UNC13B: variants seen among roughly 807,000 people sequenced by gnomAD.
UNC13B encodes unc-13 homolog B.
Under a neutral mutation model 211.0 loss-of-function variants are expected in UNC13B, and 144 were observed. The ratio of observed to expected loss-of-function variants is 0.68; its 90% CI spans 0.60 to 0.78. The LOEUF is 0.78. Among genes scored for constraint, UNC13B ranks in the 30% least tolerant of loss-of-function variants. The probability of loss-of-function intolerance (pLI) is 0.00; values close to 1 mark genes in which losing one functional copy is unlikely to be tolerated. For missense variants in UNC13B, 1,777 were observed against 2,002.0 expected (o/e 0.89, Z 2.14); for synonymous variants, 709 against 725.8 (o/e 0.98, Z 0.37).
In UNC13B at chr9:35,398,889, G is replaced by C. The variant is rs371882456; in HGVS notation, c.11929G>C (p.Val3977Leu). 1 of 1,613,808 alleles carries C rather than the reference G, an allele frequency of 6.2e-7. No homozygotes were observed. Among genetic ancestry groups the C allele is most frequent in the African/African-American group, 1.3e-5 (1 of 75,048 alleles). Residue 3977 changes from valine to leucine, a missense_variant, in exon 33 of 40, where the codon GTA (valine) becomes CTA (leucine). By Grantham distance (32) the Val-to-Leu change is conservative. Coordinates refer to ENST00000635942, the MANE Select transcript of UNC13B (RefSeq NM_001371189.2). ...LSMVFGNSFQ[V>L]RIDECVRQMA... The stretch of plus-strand genomic sequence containing the variant: ...CTGCGGGCACATGTGTAGTTTCCAG[G>C]TACGGATTGATGAGTGTGTTCGACA...
intron 1 of UNC13B, among the ~76,000 whole-genome samples, chr9:35,208,300 C>A (rs1250947293): frequency 6.6e-6 from 1 of 152,132 alleles, no homozygotes; most frequent in Non-Finnish European, 1.5e-5. Context: ...TGAAATAATA[C>A]CCTTCTTGGA....
At chr9:35,332,779 T>C (rs1831446150) in intron 11 of UNC13B, among the ~76,000 whole-genome samples, 1 of 152,226 alleles carries the variant, frequency 6.6e-6, no homozygotes, top group Non-Finnish European at 1.5e-5. Flanking sequence ...CCAGGCCAAG[T>C]TAGAGTCTCA....
rs763840346 is a variant in UNC13B at position 35,310,396 on chromosome 9, A to G, written c.9009-71A>G. ...TACTAATGTAGTCATTATTTCCTGG[A>G]TGTCTCCTTTCTTTTGTCCTGGTCC... On this transcript the variant is annotated intron_variant, in intron 9 of 39. Coordinates refer to ENST00000635942, the MANE Select transcript of UNC13B (RefSeq NM_001371189.2). 7.4e-6 allele frequency: 11 copies of G among 1,485,544 alleles called. No homozygotes were observed. In the Admixed American group the frequency reaches 2.0e-4, roughly 27 times the overall value. The allele number at this position is 1,485,544 out of a possible 1,614,324, so 92.0% of individuals were successfully genotyped here.
chr9:35,260,038 CAAAAAAAAAAAA>C (rs61273217), intron 7 of UNC13B, among the ~76,000 whole-genome samples: 7 of 64,802 alleles, frequency 1.1e-4, no homozygotes, highest in Admixed American at 2.6e-4. Flanking sequence ...CTCATTTCTA[CAAAAAAAAAAAA>C]AAAAAAAAAA....
At chr9:35,335,134 G>A (rs1831581296) in intron 11 of UNC13B, among the ~76,000 whole-genome samples, 1 of 152,218 alleles carries the variant, frequency 6.6e-6, no homozygotes, top group South Asian at 2.1e-4. Context: ...GAAAATAGTT[G>A]CCACAGGACT....
At chr9:35,298,661 G>T (rs1829517962) in intron 8 of UNC13B, among the ~76,000 whole-genome samples, 1 of 152,106 alleles carries the variant, frequency 6.6e-6, no homozygotes. Flanking sequence ...CTTTGATCTT[G>T]CTTCTGTTTC....
At chr9:35,338,485 C>A (rs1831794358) in intron 11 of UNC13B, among the ~76,000 whole-genome samples, 1 of 152,288 alleles carries the variant, frequency 6.6e-6, no homozygotes, top group South Asian at 2.1e-4. Context: ...GGATTACCTC[C>A]TGCTGCCCGT....
chr9:35,191,842 G>A (rs969810106), intron 1 of UNC13B, among the ~76,000 whole-genome samples: 2 of 152,094 alleles, frequency 1.3e-5, no homozygotes, highest in African/African-American at 2.4e-5. Context: ...GGACTGGCTT[G>A]AACAGCAGGC....
intron 11 of UNC13B, 141 bp from the exon 12 acceptor site, chr9:35,366,805 GT>G: frequency 1.4e-6 from 1 of 690,594 alleles, no homozygotes; most frequent in Admixed American, 2.2e-5. Flanking sequence ...CAGGACATTG[GT>G]TTAGATGTCA....
intron 1 of UNC13B, among the ~76,000 whole-genome samples, chr9:35,209,672 C>T (rs1823859176): frequency 6.6e-6 from 1 of 152,224 alleles, no homozygotes. Context: ...GCCACACGCC[C>T]AGCCAAATGA....
At chr9:35,269,928 G>A (rs375731925) in intron 7 of UNC13B, among the ~76,000 whole-genome samples, 3 of 148,132 alleles carry the variant, frequency 2.0e-5, no homozygotes, top group East Asian at 3.9e-4. Flanking sequence ...CCAGTGTTTT[G>A]TAATCCTGTT....
chr9:35,230,439 C>T (rs917630608), intron 2 of UNC13B, among the ~76,000 whole-genome samples: 1 of 141,120 alleles, frequency 7.1e-6, no homozygotes. Context: ...CCACTGCACC[C>T]TGGTCTGGGT....
chr9:35,313,455 T>G (rs939178736), intron 10 of UNC13B, among the ~76,000 whole-genome samples: 1 of 151,830 alleles, frequency 6.6e-6, no homozygotes, highest in Non-Finnish European at 1.5e-5. Context: ...CGAAACATCG[T>G]CTCTACAAAA....
In UNC13B at chr9:35,259,014, C is replaced by T. The variant is rs1827099521; in HGVS notation, c.490C>T (p.Gln164Ter). The stretch of plus-strand genomic sequence containing the variant: ...CTAGTATTCTAGTCAAGAAGAAAGC[C>T]AGAGGAAGCCATTGCCCACTGCTGC... Reference protein sequence around the residue: ...DNEYSSQEESQRKPLPTAAAQ... With the variant: ...DNEYSSQEES The change falls in exon 7 of 40, where the codon CAG becomes TAG. Residue 164 changes from glutamine (Q) to a stop codon, truncating the protein, a stop_gained. Coordinates refer to ENST00000635942, the MANE Select transcript of UNC13B (RefSeq NM_001371189.2). LOFTEE classifies it high-confidence loss of function. The T allele has an allele frequency of 6.2e-7, 1 of 1,613,622 alleles. No individual in the cohort carries two copies. Among genetic ancestry groups the T allele is most frequent in the Non-Finnish European group, 8.5e-7 (1 of 1,179,892 alleles).
intron 24 of UNC13B, among the ~76,000 whole-genome samples, chr9:35,386,532 A>G (rs552791087): frequency 6.6e-6 from 1 of 152,230 alleles, no homozygotes; most frequent in African/African-American, 2.4e-5. Flanking sequence ...TGTTGAAGAA[A>G]GTAAACCTAA....
chr9:35,365,765 C>T (rs1833732080), intron 11 of UNC13B, among the ~76,000 whole-genome samples: 1 of 152,184 alleles, frequency 6.6e-6, no homozygotes, highest in Non-Finnish European at 1.5e-5. Flanking sequence ...CCAATATCAT[C>T]CTACCTATAG....
Position 35,400,279 on chromosome 9 carries a change from G to A in UNC13B, c.12337-17G>A. ...GTAAGGGGATGAAGCAGTCACGGGT[G>A]CTCTTTTATCTTGCAGCAATACTTC... On this transcript the variant is annotated splice_polypyrimidine_tract_variant and intron_variant, in intron 36 of 39. Transcript: ENST00000635942. 2 of 1,612,744 alleles carry A rather than the reference G, an allele frequency of 1.2e-6. No homozygotes were observed. The highest frequency in any genetic ancestry group is 1.7e-6 in the Non-Finnish European group (2 of 1,179,260).
intron 1 of UNC13B, among the ~76,000 whole-genome samples, chr9:35,169,560 A>T (rs926521090): frequency 6.6e-6 from 1 of 152,068 alleles, no homozygotes; most frequent in African/African-American, 2.4e-5. Flanking sequence ...GCTGAATGTT[A>T]TTGTCATCTG....
At chr9:35,263,554 C>G (rs923417550) in intron 7 of UNC13B, among the ~76,000 whole-genome samples, 1 of 152,064 alleles carries the variant, frequency 6.6e-6, no homozygotes, top group African/African-American at 2.4e-5. Context: ...AGGACTCATG[C>G]AGTTCAAGCT....
Sources: allele counts gnomAD v4.1 joint callset (sites outside exome capture counted in the v4.1 genomes callset), GRCh38; gene constraint gnomAD v4.1.1; transcripts MANE v1.5; gene names NCBI Gene and HGNC (gene_info 2026-07-23, HGNC 2026-07-21).